The following LRMDA variants were observed in gnomAD, a reference collection of about 807,000 sequenced individuals.
LRMDA encodes leucine rich melanocyte differentiation associated.
A neutral mutation model predicts 29.8 loss-of-function variants in LRMDA; 18 were observed. The ratio of observed to expected loss-of-function variants is 0.60; its 90% CI spans 0.42 to 0.90. The LOEUF (loss-of-function observed/expected upper bound fraction) is 0.90. Among genes scored for constraint, LRMDA ranks in the 40% least tolerant of loss-of-function variants. The pLI is 0.00. For synonymous variants in LRMDA, 125 were observed against 109.4 expected, an observed-to-expected ratio of 1.14 and a Z score of -0.89; for missense variants, 273 against 273.9, an observed-to-expected ratio of 1.00 and a Z score of 0.02.
chr10:75,622,004 G>A (rs190837065), intron 2 of LRMDA, among the ~76,000 whole-genome samples: 20 of 152,242 alleles, frequency 1.3e-4, no homozygotes, highest in African/African-American at 4.3e-4. Context: ...CACATAATCC[G>A]GGGGCCTCAG....
At chr10:76,288,392 G>T (rs945669770) in intron 5 of LRMDA, among the ~76,000 whole-genome samples, 1 of 152,076 alleles carries the variant, frequency 6.6e-6, no homozygotes, top group Non-Finnish European at 1.5e-5. Flanking sequence ...GAACCTAAAT[G>T]CCCATCAACA....
intron 6 of LRMDA, among the ~76,000 whole-genome samples, chr10:76,411,375 A>C (rs774087197): frequency 1.3e-5 from 2 of 152,160 alleles, no homozygotes; most frequent in Non-Finnish European, 2.9e-5. Context: ...CTTCCACTCT[A>C]AGCCTAGTGC....
At chr10:75,837,861 TTAAGA>T (rs570765574) in intron 2 of LRMDA, among the ~76,000 whole-genome samples, 288 of 152,304 alleles carry the variant, frequency 1.9e-3, no homozygotes, top group Non-Finnish European at 3.4e-3. Flanking sequence ...GGATTTCTGG[TTAAGA>T]TTTCTTGATT....
intron 2 of LRMDA, among the ~76,000 whole-genome samples, chr10:75,895,557 T>C (rs113238639): frequency 1.2e-4 from 18 of 152,318 alleles, no homozygotes; most frequent in South Asian, 2.1e-4. Flanking sequence ...GTCTACTCTG[T>C]TATAGGCTCT....
chr10:76,339,419 T>C (rs1326584737), intron 6 of LRMDA, among the ~76,000 whole-genome samples: 3 of 152,018 alleles, frequency 2.0e-5, no homozygotes, highest in African/African-American at 7.2e-5. Flanking sequence ...TATTAAAAAC[T>C]GTGGGATATA....
At chr10:75,973,012 A>C (rs1024343389) in intron 2 of LRMDA, among the ~76,000 whole-genome samples, 1 of 143,916 alleles carries the variant, frequency 6.9e-6, no homozygotes, top group Non-Finnish European at 1.6e-5. Flanking sequence ...GGACAAAACC[A>C]CTTTAACAAC....
intron 2 of LRMDA, among the ~76,000 whole-genome samples, chr10:75,905,395 A>G (rs1296698657): frequency 6.6e-6 from 1 of 152,114 alleles, no homozygotes; most frequent in Admixed American, 6.5e-5. Context: ...ACAGTAATCT[A>G]TTGTATGTTT....
At chr10:75,536,500 A>C (rs1839949867) in intron 2 of LRMDA, among the ~76,000 whole-genome samples, 1 of 151,990 alleles carries the variant, frequency 6.6e-6, no homozygotes. Context: ...TTTAACCCAA[A>C]GTTGAGGGCT....
rs571740663 is a variant in LRMDA, at chr10:75,943,163, GC to G, written c.132-92844del. ...GCAAAAGCACCCACTGATGTTTTCA[GC>G]AAAAAAAAAAAAAAAAGGACTATGA... On this transcript the variant is annotated intron_variant, in intron 2 of 6. Coordinates refer to ENST00000611255, the MANE Select transcript of LRMDA (RefSeq NM_001305581.2). Among the ~76,000 whole-genome samples, 7 of 132,646 alleles carry G rather than the reference GC, an allele frequency of 5.3e-5. No homozygotes were observed. In the South Asian group the frequency reaches 1.4e-3, roughly 27 times the overall value. 87.0% of individuals were successfully genotyped at this position (132,646 alleles called of 152,430 possible).
At chr10:75,738,862 CCGAGAGTCTGT>C (rs531041827) in intron 2 of LRMDA, among the ~76,000 whole-genome samples, 2 of 152,130 alleles carry the variant, frequency 1.3e-5, no homozygotes, top group Non-Finnish European at 2.9e-5. Flanking sequence ...AGCTGGTCTG[CCGAGAGTCTGT>C]GAAGGATGGG....
chr10:75,674,537 C>T (rs1841938233), intron 2 of LRMDA, among the ~76,000 whole-genome samples: 1 of 152,064 alleles, frequency 6.6e-6, no homozygotes, highest in Middle Eastern at 3.4e-3. Context: ...AGTGTTATCA[C>T]CCGGTGATTG....
At chr10:75,582,710 C>T (rs1840609978) in intron 2 of LRMDA, among the ~76,000 whole-genome samples, 1 of 152,228 alleles carries the variant, frequency 6.6e-6, no homozygotes, top group South Asian at 2.1e-4. Context: ...AATTTCTCCC[C>T]TGAAAATGGG....
intron 6 of LRMDA, among the ~76,000 whole-genome samples, chr10:76,458,346 G>C (rs1451248863): frequency 6.6e-6 from 1 of 152,054 alleles, no homozygotes; most frequent in Non-Finnish European, 1.5e-5. Flanking sequence ...AATCAATCCT[G>C]GAAGAATGTG....
chr10:75,907,610 T>C, intron 2 of LRMDA, among the ~76,000 whole-genome samples: 1 of 152,204 alleles, frequency 6.6e-6, no homozygotes, highest in East Asian at 1.9e-4. Context: ...AGTGATGGCA[T>C]GGTACGCTGC....
chr10:76,136,692 T>A (rs565733654), intron 5 of LRMDA, among the ~76,000 whole-genome samples: 1 of 152,290 alleles, frequency 6.6e-6, no homozygotes, highest in East Asian at 1.9e-4. Flanking sequence ...GAGATTAAGA[T>A]GTTTATTTGT....
chr10:75,927,562 C>T (rs965923106), intron 2 of LRMDA, among the ~76,000 whole-genome samples: 2 of 152,118 alleles, frequency 1.3e-5, no homozygotes, highest in African/African-American at 2.4e-5. Flanking sequence ...TTCAGGTAGC[C>T]CTGAGTCCAG....
At chr10:76,374,217 G>C (rs976527233) in intron 6 of LRMDA, among the ~76,000 whole-genome samples, 3 of 152,122 alleles carry the variant, frequency 2.0e-5, no homozygotes, top group Non-Finnish European at 4.4e-5. Flanking sequence ...ATCTGTCTTT[G>C]ACTTTGTCTT....
chr10:75,649,600 A>C (rs1268815498), intron 2 of LRMDA, among the ~76,000 whole-genome samples: 1 of 152,238 alleles, frequency 6.6e-6, no homozygotes, highest in Non-Finnish European at 1.5e-5. Flanking sequence ...ACTGTGAATA[A>C]TGCTGCTGTA....
At chr10:76,071,142 G>A (rs548614344) in intron 5 of LRMDA, among the ~76,000 whole-genome samples, 2 of 152,156 alleles carry the variant, frequency 1.3e-5, no homozygotes, top group Non-Finnish European at 1.5e-5. Flanking sequence ...AATGAAGGCT[G>A]ATGTTTAGAT....
Sources: allele counts gnomAD v4.1 joint callset (sites outside exome capture counted in the v4.1 genomes callset), GRCh38; gene constraint gnomAD v4.1.1; transcripts MANE v1.5; gene names NCBI Gene and HGNC (gene_info 2026-07-23, HGNC 2026-07-21).